SRGAP3: variants seen among roughly 807,000 people sequenced by gnomAD.
SRGAP3 encodes SLIT-ROBO Rho GTPase-activating protein 3.
Under a neutral mutation model 121.1 loss-of-function variants are expected in SRGAP3, and 39 were observed. The observed-to-expected ratio is 0.32, with a 90% CI of 0.25 to 0.42. The LOEUF (loss-of-function observed/expected upper bound fraction) is 0.42. Among genes scored for constraint, SRGAP3 ranks in the 10% least tolerant of loss-of-function variants. SRGAP3 has a pLI of 1.00. For missense variants in SRGAP3, 1,213 were observed against 1,470.6 expected (o/e 0.82, Z 2.86); for synonymous variants, 601 against 570.0 (o/e 1.05, Z -0.77).
intron 1 of SRGAP3, among the ~76,000 whole-genome samples, chr3:9,153,672 C>CA (rs1198935978): frequency 6.6e-6 from 1 of 152,072 alleles, no homozygotes; most frequent in African/African-American, 2.4e-5. Flanking sequence ...CAGACATAAT[C>CA]AAAATATACA....
At chr3:9,325,254 G>A (rs1955498928) in intron 3 of SRGAP3, among the ~76,000 whole-genome samples, 1 of 151,820 alleles carries the variant, frequency 6.6e-6, no homozygotes, top group Non-Finnish European at 1.5e-5. Context: ...AATACCAAGA[G>A]TTTGGAGTAT....
chr3:9,256,952 C>T (rs1954144075), intron 3 of SRGAP3: 1 of 397,886 alleles, frequency 2.5e-6, no homozygotes, highest in Non-Finnish European at 4.4e-6. Context: ...ACCCTGGCTC[C>T]ACCACTGATA....
intron 3 of SRGAP3, among the ~76,000 whole-genome samples, chr3:9,096,709 A>G (rs866521681): frequency 6.6e-6 from 1 of 151,590 alleles, no homozygotes; most frequent in South Asian, 2.1e-4. Context: ...AGACAAGACC[A>G]CCATCATTTA....
At chr3:9,155,934 G>C (rs1575158108) in intron 1 of SRGAP3, among the ~76,000 whole-genome samples, 1 of 152,142 alleles carries the variant, frequency 6.6e-6, no homozygotes, top group East Asian at 1.9e-4. Context: ...TCCTGCCTCA[G>C]CCTCCCGAGT....
intron 1 of SRGAP3, among the ~76,000 whole-genome samples, chr3:9,208,023 C>T (rs1021582157): frequency 2.0e-5 from 3 of 152,190 alleles, no homozygotes; most frequent in African/African-American, 4.8e-5. Flanking sequence ...CTTCCAGCAA[C>T]GTCTGAACAG....
chr3:9,038,316 A>G (rs1313822334), intron 10 of SRGAP3, among the ~76,000 whole-genome samples: 1 of 152,240 alleles, frequency 6.6e-6, no homozygotes, highest in Non-Finnish European at 1.5e-5. Flanking sequence ...TTGTTCACAG[A>G]CATATTTTCA....
intron 1 of SRGAP3, among the ~76,000 whole-genome samples, chr3:9,182,401 C>G (rs1364096424): frequency 6.6e-6 from 1 of 151,954 alleles, no homozygotes; most frequent in Non-Finnish European, 1.5e-5. Context: ...AGTGGGGACA[C>G]AGCCATGGAA....
At chr3:9,042,143 T>G (rs1945045421) in intron 10 of SRGAP3, among the ~76,000 whole-genome samples, 1 of 151,690 alleles carries the variant, frequency 6.6e-6, no homozygotes, top group South Asian at 2.1e-4. Context: ...TAAGTGAGAT[T>G]AATTTTCATG....
At chr3:9,195,951 G>A (rs1462618118) in intron 1 of SRGAP3, among the ~76,000 whole-genome samples, 2 of 151,910 alleles carry the variant, frequency 1.3e-5, no homozygotes, top group Non-Finnish European at 2.9e-5. Flanking sequence ...GCAAGACCCT[G>A]TCTCCAAAAA....
At chr3:9,357,184 G>A (rs923999697) in intron 1 of SRGAP3, among the ~76,000 whole-genome samples, 39 of 152,120 alleles carry the variant, frequency 2.6e-4, no homozygotes, top group African/African-American at 9.2e-4. Flanking sequence ...GCCAGAGGCT[G>A]CAGTGAGCTG....
chr3:9,136,309 G>A (rs1949647977), intron 1 of SRGAP3, among the ~76,000 whole-genome samples: 1 of 151,932 alleles, frequency 6.6e-6, no homozygotes, highest in African/African-American at 2.4e-5. Flanking sequence ...CGCAGGATCC[G>A]TGCGCCCAGC....
At chr3:9,297,586 T>C (rs2125272948) in intron 3 of SRGAP3, among the ~76,000 whole-genome samples, 1 of 152,086 alleles carries the variant, frequency 6.6e-6, no homozygotes, top group South Asian at 2.1e-4. Context: ...CAACATGACC[T>C]GTTTCCTTAA....
At chr3:9,260,902 C>T (rs1477294315) in intron 3 of SRGAP3, among the ~76,000 whole-genome samples, 1 of 152,200 alleles carries the variant, frequency 6.6e-6, no homozygotes, top group East Asian at 1.9e-4. Context: ...TGCCTCCTGA[C>T]GGGGAGACAC....
intron 10 of SRGAP3, among the ~76,000 whole-genome samples, chr3:9,042,924 G>A (rs1006599970): frequency 1.3e-5 from 2 of 151,856 alleles, no homozygotes; most frequent in African/African-American, 2.4e-5. Flanking sequence ...ATCCTTTCCC[G>A]CATTTGCAAA....
chr3:8,982,301 C>T lies in SRGAP3; in HGVS notation c.*3218G>A, dbSNP rs1023414359. ...CATGAAGCAAAGAAAAAAAAATGCCCGTTGTCAACTAACTGATCAGTACGG... is the reference window on the plus strand; with the variant it reads ...CATGAAGCAAAGAAAAAAAAATGCCTGTTGTCAACTAACTGATCAGTACGG... On this transcript the variant is annotated 3_prime_UTR_variant, in exon 22 of 22. Transcript: ENST00000383836. 3 of 226,976 alleles carry T rather than the reference C, an allele frequency of 1.3e-5. No homozygotes were observed. Among genetic ancestry groups the T allele is most frequent in the Admixed American group, 1.1e-4 (2 of 17,514 alleles). 14.1% of individuals were successfully genotyped at this position (226,976 alleles called of 1,614,324 possible).
At chr3:9,238,940 G>A (rs1166769449) in intron 1 of SRGAP3, among the ~76,000 whole-genome samples, 4 of 152,336 alleles carry the variant, frequency 2.6e-5, no homozygotes, top group African/African-American at 9.6e-5. Flanking sequence ...GGATGTCCCA[G>A]TAGCTGCCAA....
intron 7 of SRGAP3, among the ~76,000 whole-genome samples, chr3:9,057,869 G>T (rs531361689): frequency 2.0e-5 from 3 of 152,314 alleles, no homozygotes; most frequent in East Asian, 3.9e-4. Context: ...TGGAGGAAGG[G>T]AGCGCCCTGG....
chr3:9,135,405 CATGATGATGGA>C (rs1300063425), intron 1 of SRGAP3, among the ~76,000 whole-genome samples: 2 of 152,154 alleles, frequency 1.3e-5, no homozygotes, highest in Non-Finnish European at 2.9e-5. Flanking sequence ...CTCAAGAAAA[CATGATGATGGA>C]GACTCACTCT....
At position 8,985,859 on chromosome 3, in the gene SRGAP3, G is replaced by A; in HGVS notation, c.2960C>T (p.Ala987Val). Reference protein sequence around the residue: ...ELERQNTVKQAPDVVLDTLEP... With the variant: ...ELERQNTVKQVPDVVLDTLEP... Reference sequence around the variant, plus strand: ...CAGGGTGTCCAGCACCACATCTGGCGCCTGCTTGACCGTGTTCTGCCTCTC... The same window carrying A: ...CAGGGTGTCCAGCACCACATCTGGCACCTGCTTGACCGTGTTCTGCCTCTC... Residue 987 changes from alanine to valine, a missense_variant, in exon 22 of 22, where the codon GCG (alanine) becomes GTG (valine). By Grantham distance (64) the Ala-to-Val change is moderately conservative. Around this residue, in one of 2 missense-constraint regions of SRGAP3, gnomAD observed 420 missense variants for 437.7 expected, o/e 0.96. Coordinates refer to ENST00000383836, the MANE Select transcript of SRGAP3 (RefSeq NM_014850.4). This position sits in a 1 kb window ranked among gnomAD's most constrained non-coding sequence, Gnocchi z 5.1. 6.2e-7 allele frequency: 1 copy of A among 1,600,244 alleles called. No homozygotes were observed. Among genetic ancestry groups the A allele is most frequent in the Non-Finnish European group, 8.5e-7 (1 of 1,179,932 alleles).
Sources: gnomAD v4.1 joint callset for allele counts (sites outside exome capture counted in the v4.1 genomes callset) on GRCh38, gnomAD v4.1.1 for gene constraint, gnomAD v4.1.1 regional missense constraint, Gnocchi (gnomAD v3.1) non-coding constraint, MANE v1.5 for transcripts, NCBI Gene and HGNC (gene_info 2026-07-23, HGNC 2026-07-21) for gene names.